Variants in GATAD2A observed in about 807,000 individuals in gnomAD.
GATAD2A encodes the protein GATA zinc finger domain containing 2A.
In GATAD2A, 12 loss-of-function variants were observed where a neutral mutation model predicts 68.5. The observed-to-expected ratio is 0.18, with a 90% CI of 0.11 to 0.28. GATAD2A has a LOEUF of 0.28. Ranked by LOEUF, GATAD2A falls within the 10% of genes least tolerant of loss-of-function variation. The pLI, the probability that GATAD2A is intolerant of heterozygous loss-of-function variation, is 1.00. For synonymous variants in GATAD2A, 410 were observed against 375.3 expected, an observed-to-expected ratio of 1.09 and a Z score of -1.07; for missense variants, 755 against 868.5, an observed-to-expected ratio of 0.87 and a Z score of 1.64.
At chr19:19,469,937 G>A (rs1278582428) in intron 2 of GATAD2A, among the ~76,000 whole-genome samples, 5 of 146,572 alleles carry the variant, frequency 3.4e-5, no homozygotes, top group South Asian at 4.4e-4. Flanking sequence ...ACAGAGCTCC[G>A]TCTGTCTCAG....
intron 1 of GATAD2A, among the ~76,000 whole-genome samples, chr19:19,446,058 A>G (rs1441544131): frequency 6.6e-6 from 1 of 152,060 alleles, no homozygotes; most frequent in Non-Finnish European, 1.5e-5. Flanking sequence ...ACATCACTCT[A>G]CTGTTTTACT....
At chr19:19,436,989 G>A (rs548821780) in intron 1 of GATAD2A, among the ~76,000 whole-genome samples, 1 of 152,342 alleles carries the variant, frequency 6.6e-6, no homozygotes, top group African/African-American at 2.4e-5. Flanking sequence ...CCATGGCACA[G>A]AACAAGTGTT....
chr19:19,494,649 C>T (rs8109693), intron 5 of GATAD2A, among the ~76,000 whole-genome samples: 14 of 152,248 alleles, frequency 9.2e-5, no homozygotes, highest in Non-Finnish European at 1.2e-4. Context: ...TTCCAGTGAG[C>T]GCCCCTAGCA....
At chr19:19,414,392 C>T (rs556186883) in intron 1 of GATAD2A, among the ~76,000 whole-genome samples, 3 of 152,180 alleles carry the variant, frequency 2.0e-5, no homozygotes, top group African/African-American at 4.8e-5. Context: ...GGATATATCC[C>T]TGTTTTCTCC....
intron 2 of GATAD2A, among the ~76,000 whole-genome samples, chr19:19,478,159 G>A (rs1407691595): frequency 1.3e-5 from 2 of 152,198 alleles, no homozygotes; most frequent in Non-Finnish European, 1.5e-5. Context: ...ACAGGACCCA[G>A]GATCCCAGCC....
intron 2 of GATAD2A, among the ~76,000 whole-genome samples, chr19:19,485,872 C>A (rs1024415115): frequency 6.6e-6 from 1 of 152,186 alleles, no homozygotes; most frequent in African/African-American, 2.4e-5. Context: ...AATTTGGCTT[C>A]CAGGGTCTGT....
intron 1 of GATAD2A, among the ~76,000 whole-genome samples, chr19:19,424,653 A>C (rs1600088561): frequency 6.6e-6 from 1 of 152,088 alleles, no homozygotes; most frequent in East Asian, 1.9e-4. Context: ...GATTACAGGC[A>C]TGAGCCATCA....
chr19:19,450,586 G>C (rs915861098), intron 1 of GATAD2A, among the ~76,000 whole-genome samples: 2 of 151,652 alleles, frequency 1.3e-5, no homozygotes, highest in East Asian at 1.9e-4. Flanking sequence ...CCTGTTAAAG[G>C]TTTCAGCCCT....
Position 19,502,420 on chromosome 19 carries a change from C to G in GATAD2A, c.1668C>G (p.Ala556=). The change falls in exon 11 of 12, where the codon GCC becomes GCG. Residue 556 remains alanine, a synonymous_variant. Coordinates refer to ENST00000683918, the MANE Select transcript of GATAD2A (RefSeq NM_001384528.1). The part of the protein sequence containing the change: ...FSPSPKLQNS[A]SATALVSRTG... Reference sequence around the variant, plus strand: ...CGTCACCCAAACTGCAGAACTCAGCCTCGGCCACAGCCCTGGTCAGCAGGA... The same window carrying G: ...CGTCACCCAAACTGCAGAACTCAGCGTCGGCCACAGCCCTGGTCAGCAGGA... The G allele has an allele frequency of 1.2e-6, 2 of 1,613,772 alleles. No homozygotes were observed. The highest frequency in any genetic ancestry group is 1.7e-6 in the Non-Finnish European group (2 of 1,179,968).
intron 1 of GATAD2A, among the ~76,000 whole-genome samples, chr19:19,441,481 C>T (rs745634391): frequency 3.9e-5 from 6 of 152,060 alleles, no homozygotes; most frequent in Non-Finnish European, 8.8e-5. Context: ...CTCCAGCAGT[C>T]CTTCCACCTC....
chr19:19,387,304 C>T (rs2048507126), intron 1 of GATAD2A, among the ~76,000 whole-genome samples: 1 of 151,280 alleles, frequency 6.6e-6, no homozygotes, highest in Admixed American at 6.6e-5. Context: ...TGTGGTCCTA[C>T]TTTTCTGACT....
In GATAD2A at chr19:19,503,590, G is replaced by A. The variant is rs186028800; in HGVS notation, c.1774+1064G>A. Among the ~76,000 whole-genome samples the A allele has an allele frequency of 1.1e-4, 17 of 152,158 alleles. No individual in the cohort carries two copies. The East Asian group carries it at 3.1e-3, about 28-fold the overall frequency. ...GGAAGTTTGAAAGGATAAGAAAGAA[G>A]TAGAAGTCGATAAGTGTGTGCATGT... On this transcript the variant is annotated intron_variant, in intron 11 of 11. Coordinates refer to ENST00000683918, the MANE Select transcript of GATAD2A (RefSeq NM_001384528.1).
intron 7 of GATAD2A, among the ~76,000 whole-genome samples, chr19:19,496,667 C>G (rs933876275): frequency 2.0e-5 from 3 of 152,232 alleles, no homozygotes; most frequent in Non-Finnish European, 4.4e-5. Flanking sequence ...AGCAAATGTT[C>G]TCATGTCACC....
At chr19:19,499,279 C>T (rs1017425448) in intron 8 of GATAD2A, among the ~76,000 whole-genome samples, 3 of 152,168 alleles carry the variant, frequency 2.0e-5, no homozygotes, top group South Asian at 2.1e-4. Flanking sequence ...TCTGAGTGGC[C>T]GAGTTGGCCC....
chr19:19,430,975 GGGT>G (rs2053656829), intron 1 of GATAD2A, among the ~76,000 whole-genome samples: 1 of 120,164 alleles, frequency 8.3e-6, no homozygotes, highest in African/African-American at 3.3e-5. Context: ...TGTATGGTAG[GGGT>G]GTGTGTGTGT....
At chr19:19,502,197 C>A in intron 10 of GATAD2A, 134 bp from the exon 11 acceptor site, 2 of 876,272 alleles carry the variant, frequency 2.3e-6, no homozygotes, top group Non-Finnish European at 3.5e-6. Flanking sequence ...CTTACCTGGT[C>A]TCCTGATTTT....
chr19:19,454,094 T>C (rs936567368), intron 1 of GATAD2A, among the ~76,000 whole-genome samples: 17 of 151,648 alleles, frequency 1.1e-4, no homozygotes, highest in African/African-American at 2.9e-4. Flanking sequence ...ACTTCCTGGG[T>C]TCAAGCAGTT....
chr19:19,502,231 T>G, intron 10 of GATAD2A, 100 bp from the exon 11 acceptor site: 1 of 1,028,222 alleles, frequency 9.7e-7, no homozygotes, highest in Non-Finnish European at 1.4e-6. Context: ...CCCATGTGGG[T>G]GGGAAGAGGT....
intron 2 of GATAD2A, among the ~76,000 whole-genome samples, chr19:19,491,332 G>A (rs2059777284): frequency 6.6e-6 from 1 of 152,208 alleles, no homozygotes; most frequent in Non-Finnish European, 1.5e-5. Flanking sequence ...AACTGGTAGT[G>A]AGATGCCGTG....
Sources: gnomAD v4.1 joint callset for allele counts (sites outside exome capture counted in the v4.1 genomes callset) on GRCh38, gnomAD v4.1.1 for gene constraint, MANE v1.5 for transcripts, NCBI Gene and HGNC (gene_info 2026-07-23, HGNC 2026-07-21) for gene names.